Variants in PHKB observed in about 807,000 individuals in gnomAD.
The protein encoded by PHKB is phosphorylase b kinase regulatory subunit beta.
In PHKB, 122 loss-of-function variants were observed where a neutral mutation model predicts 152.1. The observed-to-expected ratio is 0.80, with a 90% CI of 0.69 to 0.93. The LOEUF (loss-of-function observed/expected upper bound fraction) is 0.93, where lower values mean the gene tolerates loss of function less well. PHKB is among the 40% of genes least tolerant of loss of function. The pLI, the probability that PHKB is intolerant of heterozygous loss-of-function variation, is 0.00. For synonymous variants in PHKB, 436 were observed against 464.9 expected (o/e 0.94, Z 0.80); for missense variants, 1,304 against 1,328.4 (o/e 0.98, Z 0.29).
At chr16:47,517,349 G>C (rs1970615296) in intron 6 of PHKB, among the ~76,000 whole-genome samples, 1 of 150,466 alleles carries the variant, frequency 6.6e-6, no homozygotes. Flanking sequence ...TCAACTTCCT[G>C]GGCTCAGGTG....
intron 1 of PHKB, among the ~76,000 whole-genome samples, chr16:47,471,111 T>C (rs1969759780): frequency 6.6e-6 from 1 of 152,196 alleles, no homozygotes; most frequent in South Asian, 2.1e-4. Flanking sequence ...CCTGCAGGGT[T>C]GAAGTAGGGA....
chr16:47,547,120 C>T lies in PHKB; in HGVS notation c.595-313C>T, dbSNP rs146919344. Among the ~76,000 whole-genome samples, 246 of 152,292 alleles carry T rather than the reference C, an allele frequency of 1.6e-3. 2 individuals are homozygous for T. Among genetic ancestry groups the T allele is most frequent in the South Asian group, 0.015 (74 of 4,830 alleles). ...CCTTCCGTGGGCTGCATCCACTGTC[C>T]GACTATTCCCAATGAGGTGAACCGG... On this transcript the variant is annotated intron_variant, in intron 6 of 30. Coordinates refer to ENST00000323584, the MANE Select transcript of PHKB (RefSeq NM_000293.3).
At chr16:47,566,371 C>T (rs1971567186) in intron 7 of PHKB, 1 of 1,487,948 alleles carries the variant, frequency 6.7e-7, no homozygotes, top group Non-Finnish European at 9.4e-7. Context: ...CTGTCTTTAT[C>T]CTGTGCTTGA....
intron 1 of PHKB, chr16:47,463,832 A>T: frequency 9.2e-7 from 1 of 1,092,746 alleles, no homozygotes. Flanking sequence ...AACTGCTCAC[A>T]CTGCTTTCAA....
chr16:47,615,242 G>C (rs868628451), intron 14 of PHKB, among the ~76,000 whole-genome samples: 2 of 152,184 alleles, frequency 1.3e-5, no homozygotes, highest in African/African-American at 4.8e-5. Context: ...TGGAGCAGGG[G>C]TCGAGTAGAC....
chr16:47,655,428 G>C (rs371929275), intron 20 of PHKB, among the ~76,000 whole-genome samples: 1 of 152,170 alleles, frequency 6.6e-6, no homozygotes, highest in Non-Finnish European at 1.5e-5. Context: ...TCTTAGTTTT[G>C]TGATGACTTT....
intron 6 of PHKB, among the ~76,000 whole-genome samples, chr16:47,530,071 C>T (rs1022878136): frequency 6.6e-6 from 1 of 151,114 alleles, no homozygotes; most frequent in Non-Finnish European, 1.5e-5. Flanking sequence ...GCAGATATCA[C>T]ATTAGAATCA....
At chr16:47,575,404 A>C (rs1246994314) in intron 7 of PHKB, among the ~76,000 whole-genome samples, 1 of 152,240 alleles carries the variant, frequency 6.6e-6, no homozygotes, top group Non-Finnish European at 1.5e-5. Flanking sequence ...CTGTACTCAT[A>C]TGTTTATCGC....
At chr16:47,567,160 T>C (rs1364572256) in intron 7 of PHKB, among the ~76,000 whole-genome samples, 4 of 152,222 alleles carry the variant, frequency 2.6e-5, no homozygotes, top group Non-Finnish European at 5.9e-5. Flanking sequence ...AGGAGTTGCA[T>C]TGAATCTATA....
At chr16:47,560,220 T>C (rs1454624319) in intron 7 of PHKB, among the ~76,000 whole-genome samples, 1 of 152,242 alleles carries the variant, frequency 6.6e-6, no homozygotes, top group Non-Finnish European at 1.5e-5. Flanking sequence ...AAAGCCGCTC[T>C]GGGCTTGTTC....
intron 14 of PHKB, among the ~76,000 whole-genome samples, chr16:47,622,145 C>G (rs977374483): frequency 2.0e-5 from 3 of 151,660 alleles, no homozygotes; most frequent in Non-Finnish European, 4.4e-5. Flanking sequence ...TTATTATGAT[C>G]TAGTATTGTT....
At chr16:47,556,583 A>G (rs1971374142) in intron 7 of PHKB, among the ~76,000 whole-genome samples, 3 of 152,080 alleles carry the variant, frequency 2.0e-5, no homozygotes, top group African/African-American at 2.4e-5. Context: ...ATTGATTTTC[A>G]TATATTGAAC....
chr16:47,575,439 A>G (rs1163756686), intron 7 of PHKB, among the ~76,000 whole-genome samples: 1 of 152,260 alleles, frequency 6.6e-6, no homozygotes, highest in African/African-American at 2.4e-5. Flanking sequence ...TTGCAAAGAT[A>G]TGAATCAACC....
At chr16:47,505,921 T>A (rs1178223477) in intron 4 of PHKB, among the ~76,000 whole-genome samples, 1 of 149,898 alleles carries the variant, frequency 6.7e-6, no homozygotes, top group East Asian at 2.0e-4. Context: ...TAGTCCCACC[T>A]GCTCAGGAAG....
At chr16:47,608,916 G>A (rs1489670135) in intron 13 of PHKB, among the ~76,000 whole-genome samples, 2 of 152,074 alleles carry the variant, frequency 1.3e-5, no homozygotes, top group African/African-American at 4.8e-5. Flanking sequence ...TTCCCTGGCT[G>A]GAACCTCCAG....
At chr16:47,596,921 C>G (rs2151701976) in intron 13 of PHKB, among the ~76,000 whole-genome samples, 1 of 152,216 alleles carries the variant, frequency 6.6e-6, no homozygotes, top group East Asian at 1.9e-4. Flanking sequence ...ATGTATTGGT[C>G]ATCTCAAAGT....
chr16:47,633,688 G>C (rs1296379688), intron 14 of PHKB, among the ~76,000 whole-genome samples: 2 of 152,136 alleles, frequency 1.3e-5, no homozygotes, highest in Non-Finnish European at 2.9e-5. Context: ...AACATAAGAT[G>C]GACATGAGTG....
rs140649324 is a variant in PHKB, at chr16:47,642,025, A to C, written c.1608+333A>C. ...TTTTAATAGGAATAAAATTATTCTT[A>C]TATTTTGATTTGATTTTTTTCCTCT... is the stretch of plus-strand genomic sequence containing the variant. On this transcript the variant is annotated intron_variant, in intron 16 of 30. Transcript: ENST00000323584. Among the ~76,000 whole-genome samples the C allele has an allele frequency of 8.4e-4, 128 of 152,124 alleles. 1 individual carries two copies. The Middle Eastern group carries it at 0.017, about 20-fold the overall frequency.
At chr16:47,473,752 A>G (rs780009884) in intron 1 of PHKB, among the ~76,000 whole-genome samples, 3 of 152,228 alleles carry the variant, frequency 2.0e-5, no homozygotes, top group Non-Finnish European at 4.4e-5. Context: ...ATTGACAAAT[A>G]GTAATTGTAT....
Sources: gnomAD v4.1 joint callset for allele counts (sites outside exome capture counted in the v4.1 genomes callset) on GRCh38, gnomAD v4.1.1 for gene constraint, MANE v1.5 for transcripts, NCBI Gene and HGNC (gene_info 2026-07-23, HGNC 2026-07-21) for gene names.